The following RNF157 variants were observed in gnomAD, a reference collection of about 807,000 sequenced individuals.
The protein encoded by RNF157 is E3 ubiquitin ligase RNF157.
A neutral mutation model predicts 88.3 loss-of-function variants in RNF157; 55 were observed. The ratio of observed to expected loss-of-function variants is 0.62; its 90% CI spans 0.50 to 0.78. RNF157 has a LOEUF of 0.78. RNF157 is among the 30% of genes least tolerant of loss of function. RNF157 has a pLI of 0.00. For synonymous variants in RNF157, 334 were observed against 341.2 expected, an observed-to-expected ratio of 0.98 and a Z score of 0.23; for missense variants, 788 against 860.8, an observed-to-expected ratio of 0.92 and a Z score of 1.06.
intron 2 of RNF157, among the ~76,000 whole-genome samples, chr17:76,187,930 AAG>A (rs2069321306): frequency 6.6e-6 from 1 of 152,056 alleles, no homozygotes; most frequent in African/African-American, 2.4e-5. Context: ...TATTAATGTA[AAG>A]ATGTGCGGAA....
At chr17:76,208,943 C>T (rs1598431326) in intron 2 of RNF157, among the ~76,000 whole-genome samples, 1 of 149,722 alleles carries the variant, frequency 6.7e-6, no homozygotes, top group South Asian at 2.1e-4. Context: ...CACTGCACTC[C>T]AGCTTGGGTG....
At position 76,160,029 on chromosome 17, in the gene RNF157, A is replaced by G. The variant is rs1420679759; in HGVS notation, c.1066-456T>C. On this transcript the variant is annotated intron_variant, in intron 11 of 18. Coordinates refer to ENST00000269391, the MANE Select transcript of RNF157 (RefSeq NM_052916.3). This position sits in a 1 kb window ranked among gnomAD's most constrained non-coding sequence, Gnocchi z 4.3. ...GAGATGGGATCTCACTATGTTGCCC[A>G]GGCTGGTCTTGAGCTCCTGGTCTCA... Among the ~76,000 whole-genome samples the G allele has an allele frequency of 6.6e-6, 1 of 152,216 alleles. No homozygotes were observed. The highest frequency in any genetic ancestry group is 1.9e-4 in the East Asian group (1 of 5,200).
chr17:76,232,394 A>C (rs1453938047), intron 1 of RNF157, among the ~76,000 whole-genome samples: 1 of 152,126 alleles, frequency 6.6e-6, no homozygotes, highest in Non-Finnish European at 1.5e-5. Context: ...GTCTCTAAAA[A>C]AAAAAAGCAA....
At chr17:76,228,242 A>T (rs180845670) in intron 1 of RNF157, among the ~76,000 whole-genome samples, 14 of 152,340 alleles carry the variant, frequency 9.2e-5, no homozygotes, top group African/African-American at 2.9e-4. Flanking sequence ...CAGCATTTAG[A>T]GAAAGGCACA....
intron 3 of RNF157, among the ~76,000 whole-genome samples, chr17:76,169,108 C>T (rs8068137): frequency 0.4 from 60,502 of 151,992 alleles, 15,270 homozygotes; most frequent in African/African-American, 0.73. Flanking sequence ...CTTCCTTTTA[C>T]ATTCTCTGTT....
At chr17:76,226,912 C>G (rs9904681) in intron 1 of RNF157, 312,867 of 916,610 alleles carry the variant, frequency 0.34, 55,496 homozygotes, top group East Asian at 0.5. Context: ...ATGGCTTAAG[C>G]CGCTGGGGGG....
Position 76,210,200 on chromosome 17 carries a change from G to C in RNF157, c.207+2164C>G, listed in dbSNP as rs148208221. ...AAATCAAAGAGTAGACATCTGATAAGTATTACTTGACATAACTTAACTTGA... is the reference window on the plus strand; with the variant it reads ...AAATCAAAGAGTAGACATCTGATAACTATTACTTGACATAACTTAACTTGA... On this transcript the variant is annotated intron_variant, in intron 2 of 18. Transcript: ENST00000269391. Among the ~76,000 whole-genome samples the C allele has an allele frequency of 2.2e-3, 329 of 152,304 alleles. 2 individuals are homozygous for C. The highest frequency in any genetic ancestry group is 7.6e-3 in the African/African-American group (315 of 41,568).
chr17:76,159,868 A>G (rs1254687685), intron 11 of RNF157, among the ~76,000 whole-genome samples: 2 of 152,138 alleles, frequency 1.3e-5, no homozygotes, highest in Non-Finnish European at 2.9e-5. Context: ...AAATCACCCA[A>G]AGTTACTTTT....
chr17:76,146,510 G>C lies in RNF157; in HGVS notation c.1922-1157C>G. On this transcript the variant is annotated intron_variant, in intron 18 of 18. Transcript: ENST00000269391. This position sits in a 1 kb window ranked among gnomAD's most constrained non-coding sequence, Gnocchi z 4.2. ...GGGCCTCGGCTGCCTCCACTCTCAG[G>C]GTCCCCTGGCTCCCTGGGGTAGGGA... 1 of 985,406 alleles carries C rather than the reference G, an allele frequency of 1.0e-6. No individual in the cohort carries two copies. The highest frequency in any genetic ancestry group is 1.2e-6 in the Non-Finnish European group (1 of 829,902). The allele number at this position is 985,406 out of a possible 1,614,324, so 61.0% of individuals were successfully genotyped here.
rs538536465 is a variant in RNF157, at chr17:76,157,353, G to A, written c.1414-1032C>T. ...CTAGTCCAGGCTGCACACTGCGGTC[G>A]GGTGGGCCTTTGGGGTGTGAAGCAC... is the stretch of plus-strand genomic sequence containing the variant. On this transcript the variant is annotated intron_variant, in intron 13 of 18. Transcript: ENST00000269391. This position sits in a 1 kb window ranked among gnomAD's most constrained non-coding sequence, Gnocchi z 5.6. Among the ~76,000 whole-genome samples the A allele has an allele frequency of 1.5e-4, 23 of 152,332 alleles. No individual in the cohort carries two copies. The East Asian group carries it at 3.3e-3, about 22-fold the overall frequency.
At position 76,143,407 on chromosome 17, in the gene RNF157, C is replaced by T. The variant is rs2068541997; in HGVS notation, c.*1828G>A. On this transcript the variant is annotated 3_prime_UTR_variant, in exon 19 of 19. Transcript: ENST00000269391. ...ACAGGACAGGAGGTGGTCTGTGTGC[C>T]ACCACCCCAGGGTAAGGGAAGCTCC... The T allele has an allele frequency of 6.6e-6, 1 of 152,222 alleles. No individual in the cohort carries two copies. Among genetic ancestry groups the T allele is most frequent in the African/African-American group, 2.4e-5 (1 of 41,432 alleles). The allele number at this position is 152,222 out of a possible 1,614,324, so 9.4% of individuals were successfully genotyped here. A position where few individuals can be genotyped will look rare whatever the true frequency, so the allele number is the denominator to read the frequency against.
At chr17:76,219,913 C>T (rs1453214615) in intron 1 of RNF157, among the ~76,000 whole-genome samples, 1 of 151,684 alleles carries the variant, frequency 6.6e-6, no homozygotes, top group African/African-American at 2.4e-5. Flanking sequence ...TCATACCTAG[C>T]GTATTGAGAA....
intron 13 of RNF157, 27 bp downstream of exon 13, chr17:76,158,366 C>T (rs1488391227): frequency 6.6e-7 from 1 of 1,504,824 alleles, no homozygotes; most frequent in East Asian, 2.3e-5. Context: ...GTACAACACC[C>T]AAGAAGAGGA....
chr17:76,219,546 A>G (rs2069946018), intron 1 of RNF157, among the ~76,000 whole-genome samples: 1 of 152,130 alleles, frequency 6.6e-6, no homozygotes, highest in African/African-American at 2.4e-5. Context: ...AACGAAGTAG[A>G]AGGGACCAGA....
chr17:76,167,225 T>C, intron 4 of RNF157, 99 bp from the exon 5 acceptor site: 2 of 871,856 alleles, frequency 2.3e-6, no homozygotes, highest in Non-Finnish European at 3.7e-6. Context: ...ATCAACAGGG[T>C]CTAGCGAAGA....
Position 76,146,757 on chromosome 17 carries a change from T to C in RNF157, c.1922-1404A>G, listed in dbSNP as rs1022330209. ...TGGGCAGGGGCCGTGACTTCTTCAC[T>C]GTTGCAGTCCAGAGCCCAGCACAAC... On this transcript the variant is annotated intron_variant, in intron 18 of 18. Transcript: ENST00000269391. The surrounding 1 kb of genome is among the most constrained non-coding windows in gnomAD (Gnocchi z 4.2). 9.1e-6 allele frequency: 9 copies of C among 985,288 alleles called. No individual in the cohort carries two copies. Among genetic ancestry groups the C allele is most frequent in the Non-Finnish European group, 1.1e-5 (9 of 829,752 alleles). The allele number at this position is 985,288 out of a possible 1,614,324, so 61.0% of individuals were successfully genotyped here.
chr17:76,167,173 G>A, intron 4 of RNF157, 47 bp from the exon 5 acceptor site: 2 of 1,384,674 alleles, frequency 1.4e-6, no homozygotes, highest in Non-Finnish European at 2.0e-6. Flanking sequence ...ATCCGGCACA[G>A]ATGGGTCTGA....
intron 18 of RNF157, chr17:76,147,077 T>A: frequency 1.0e-6 from 1 of 985,360 alleles, no homozygotes; most frequent in Non-Finnish European, 1.2e-6. Context: ...GAATTTGGGA[T>A]CTTTACTCCC....
intron 2 of RNF157, among the ~76,000 whole-genome samples, chr17:76,211,448 T>A (rs937487279): frequency 6.6e-6 from 1 of 152,252 alleles, no homozygotes; most frequent in Non-Finnish European, 1.5e-5. Flanking sequence ...AAACATTTCC[T>A]GTTTTCTGTG....
Sources: allele counts gnomAD v4.1 joint callset (sites outside exome capture counted in the v4.1 genomes callset), GRCh38; gene constraint gnomAD v4.1.1; non-coding constraint Gnocchi (gnomAD v3.1); transcripts MANE v1.5; gene names NCBI Gene and HGNC (gene_info 2026-07-23, HGNC 2026-07-21).